TTC23L: variants seen among roughly 807,000 people sequenced by gnomAD.
TTC23L encodes the protein tetratricopeptide repeat domain 23 like.
A neutral mutation model predicts 48.1 loss-of-function variants in TTC23L; 42 were observed. The observed-to-expected ratio is 0.87, with a 90% CI of 0.68 to 1.13. TTC23L has a LOEUF of 1.13. Among genes scored for constraint, TTC23L ranks in the 50% most tolerant of loss-of-function variants. TTC23L has a pLI of 0.00. For missense variants in TTC23L, 391 were observed against 421.0 expected (o/e 0.93, Z 0.62); for synonymous variants, 159 against 157.2 (o/e 1.01, Z -0.09).
intron 3 of TTC23L, among the ~76,000 whole-genome samples, chr5:34,847,473 T>TAA (rs1759302755): frequency 9.0e-6 from 1 of 110,702 alleles, no homozygotes; most frequent in Non-Finnish European, 1.8e-5. Flanking sequence ...TATAGCTCAA[T>TAA]AACGCTGTTT....
intron 4 of TTC23L, among the ~76,000 whole-genome samples, chr5:34,858,619 T>TACA (rs1760319405): frequency 6.6e-6 from 1 of 152,066 alleles, no homozygotes; most frequent in Admixed American, 6.6e-5. Context: ...ATAGATTGTG[T>TACA]ACAACAGTAT....
chr5:34,902,349 GA>G, downstream of TTC23L: 1 of 299,508 alleles, frequency 3.3e-6, no homozygotes, highest in Non-Finnish European at 6.9e-6. Context: ...CTGGGAGGTG[GA>G]GGTTGCAGTG....
chr5:34,845,606 T>C (rs1184800147), exon 3 of TTC23L: 1 of 1,613,996 alleles, frequency 6.2e-7, no homozygotes, highest in South Asian at 1.1e-5. Context: ...ATAGACTGTA[T>C]GTCTCATCCC....
intron 4 of TTC23L, 121 bp downstream of exon 4, chr5:34,850,429 A>T (rs1759582107): frequency 2.5e-6 from 3 of 1,218,552 alleles, no homozygotes; most frequent in Non-Finnish European, 3.5e-6. Context: ...CTCACACATT[A>T]TCAGGAAGGA....
chr5:34,917,477 CAA>C, the TTC23L span, among the ~76,000 whole-genome samples: 2 of 138,946 alleles, frequency 1.4e-5, no homozygotes, highest in African/African-American at 2.6e-5. Flanking sequence ...ACTAACACTA[CAA>C]AAAAAAAAAA....
intron 4 of TTC23L, among the ~76,000 whole-genome samples, chr5:34,859,840 C>CTTTTTTTTTTTTTTTT (rs10590697): frequency 2.0e-4 from 19 of 95,358 alleles, no homozygotes; most frequent in East Asian, 6.4e-4. Flanking sequence ...TTTTCTTCTT[C>CTTTTTTTTTTTTTTTT]TTTTTTTTTT....
intron 3 of TTC23L, among the ~76,000 whole-genome samples, chr5:34,848,658 T>C (rs1759414667): frequency 6.6e-6 from 1 of 152,000 alleles, no homozygotes; most frequent in Non-Finnish European, 1.5e-5. Flanking sequence ...AGAAAGTGAA[T>C]GACATGGAAG....
chr5:34,851,656 C>G (rs1414057948), intron 4 of TTC23L, among the ~76,000 whole-genome samples: 1 of 152,148 alleles, frequency 6.6e-6, no homozygotes, highest in Non-Finnish European at 1.5e-5. Flanking sequence ...TTCAGAGTGA[C>G]CAGGAAGGAT....
chr5:34,904,108 T>C (rs1024246379), downstream of TTC23L, among the ~76,000 whole-genome samples: 2 of 151,414 alleles, frequency 1.3e-5, no homozygotes, highest in African/African-American at 4.9e-5. Flanking sequence ...TGGGACTACA[T>C]GCATACTCCA....
At chr5:34,897,019 A>G (rs934359476) in intron 10 of TTC23L, 144 bp downstream of exon 10, 28 of 550,588 alleles carry the variant, frequency 5.1e-5, no homozygotes, top group African/African-American at 4.9e-4. Context: ...AAGGAAAAAA[A>G]AAAACAAAAA....
chr5:34,884,523 T>TACACACACAC (rs572660867), intron 9 of TTC23L, among the ~76,000 whole-genome samples: 1 of 148,646 alleles, frequency 6.7e-6, no homozygotes, highest in African/African-American at 2.5e-5. Context: ...AATGATCACA[T>TACACACACAC]ACACACACAC....
At chr5:34,864,990 G>T (rs751910840) in intron 6 of TTC23L, among the ~76,000 whole-genome samples, 1 of 152,210 alleles carries the variant, frequency 6.6e-6, no homozygotes, top group African/African-American at 2.4e-5. Context: ...AACACTTAAT[G>T]AAGACAATTA....
At chr5:34,909,919 T>A in the TTC23L span, among the ~76,000 whole-genome samples, 1 of 152,218 alleles carries the variant, frequency 6.6e-6, no homozygotes, top group Non-Finnish European at 1.5e-5. Context: ...TATATGAGCA[T>A]GGCGATAAGA....
chr5:34,891,281 C>G (rs1762852257), intron 9 of TTC23L, among the ~76,000 whole-genome samples: 1 of 152,108 alleles, frequency 6.6e-6, no homozygotes, highest in Admixed American at 6.5e-5. Flanking sequence ...GTGATCTTAA[C>G]CTGCCTTTTC....
the TTC23L span, chr5:34,914,380 T>C: frequency 2.9e-6 from 1 of 340,004 alleles, no homozygotes; most frequent in African/African-American, 2.1e-5. Context: ...GGACTATTGT[T>C]AAGATTAAAT....
intron 4 of TTC23L, among the ~76,000 whole-genome samples, chr5:34,862,006 A>G (rs1760701118): frequency 6.6e-6 from 1 of 152,164 alleles, no homozygotes; most frequent in Admixed American, 6.5e-5. Context: ...CATGCAATGC[A>G]TATTTGAGGG....
intron 4 of TTC23L, among the ~76,000 whole-genome samples, chr5:34,853,345 A>G (rs1759840522): frequency 6.6e-6 from 1 of 152,154 alleles, no homozygotes; most frequent in African/African-American, 2.4e-5. Flanking sequence ...AGCTTGGTCA[A>G]CATGGTGAAA....
the TTC23L span, among the ~76,000 whole-genome samples, chr5:34,923,717 TA>T: frequency 6.6e-6 from 1 of 152,202 alleles, no homozygotes; most frequent in African/African-American, 2.4e-5. Context: ...AATTTTTAGT[TA>T]AACTTTTAGA....
At chr5:34,910,427 CTTTTCT>C in the TTC23L span, among the ~76,000 whole-genome samples, 179 of 149,470 alleles carry the variant, frequency 1.2e-3, no homozygotes, top group African/African-American at 4.1e-3. Flanking sequence ...GATTCTTTTT[CTTTTCT>C]TTTTTTTTTT....
Sources: allele counts gnomAD v4.1 joint callset (sites outside exome capture counted in the v4.1 genomes callset), GRCh38; gene constraint gnomAD v4.1.1; transcripts MANE v1.5; gene names NCBI Gene and HGNC (gene_info 2026-07-23, HGNC 2026-07-21).